The following HDAC9 variants were observed in gnomAD, a reference collection of about 807,000 sequenced individuals.
HDAC9 encodes histone deacetylase 9, also known as MEF-2 interacting transcription repressor (MITR) protein.
In HDAC9, 41 loss-of-function variants were observed where a neutral mutation model predicts 139.4. The observed-to-expected ratio is 0.29, with a 90% confidence interval of 0.23 to 0.38. The LOEUF (loss-of-function observed/expected upper bound fraction) is 0.38. Among genes scored for constraint, HDAC9 ranks in the 10% least tolerant of loss-of-function variants. The probability of loss-of-function intolerance (pLI) is 1.00; values close to 1 mark genes in which losing one functional copy is unlikely to be tolerated. For missense variants in HDAC9, 1,147 were observed against 1,297.0 expected, an observed-to-expected ratio of 0.88 and a Z score of 1.78; for synonymous variants, 517 against 476.2, an observed-to-expected ratio of 1.09 and a Z score of -1.12.
upstream of HDAC9, among the ~76,000 whole-genome samples, chr7:18,494,517 T>C (rs1209047499): frequency 6.6e-6 from 1 of 152,088 alleles, no homozygotes; most frequent in African/African-American, 2.4e-5. Context: ...CTTCCATGAC[T>C]AGTAGATTAT....
rs182467857 is a variant in HDAC9, at chr7:18,745,431, G to C, written c.1910-3574G>C. 1.7e-3 allele frequency among the ~76,000 whole-genome samples: 256 copies of C among 151,102 alleles called. 1 individual carries two copies. Among genetic ancestry groups the C allele is most frequent in the Middle Eastern group, 0.01 (3 of 288 alleles). On this transcript the variant is annotated intron_variant, in intron 13 of 25. Coordinates refer to ENST00000686413, the MANE Select transcript of HDAC9 (RefSeq NM_178425.4). ...CTTGGCAGTGGATTATGGGGAAAAT[G>C]TCATTAAAAGGGGGAAACATTACTA...
At chr7:18,256,085 T>C (rs1207315825) in intron 2 of HDAC9, among the ~76,000 whole-genome samples, 1 of 152,222 alleles carries the variant, frequency 6.6e-6, no homozygotes, top group Non-Finnish European at 1.5e-5. Flanking sequence ...CTTCTCTCAA[T>C]ATCTTGAAGA....
chr7:18,855,119 C>T (rs563040173), intron 21 of HDAC9, among the ~76,000 whole-genome samples: 3 of 152,268 alleles, frequency 2.0e-5, no homozygotes, highest in African/African-American at 7.2e-5. Context: ...TCTCCAGAAG[C>T]CGTCTCTGAA....
At chr7:18,634,781 T>C (rs1475057630) in intron 8 of HDAC9, 39 bp downstream of exon 8, 6 of 1,270,968 alleles carry the variant, frequency 4.7e-6, no homozygotes, top group Non-Finnish European at 6.7e-6. Flanking sequence ...AAAAACTGAA[T>C]TTCTGATTAG....
At chr7:18,990,895 G>C (rs919996229) in intron 25 of HDAC9, among the ~76,000 whole-genome samples, 6 of 152,204 alleles carry the variant, frequency 3.9e-5, no homozygotes, top group African/African-American at 1.2e-4. Flanking sequence ...GTCTCGCCCT[G>C]CTTGGGCTCG....
At chr7:18,432,393 AGCC>A (rs1467146574) in intron 1 of HDAC9, among the ~76,000 whole-genome samples, 1 of 152,192 alleles carries the variant, frequency 6.6e-6, no homozygotes, top group African/African-American at 2.4e-5. Context: ...GGATTTTTAG[AGCC>A]TAGTATGAGG....
At chr7:18,339,698 CAT>C (rs956122976) in intron 1 of HDAC9, among the ~76,000 whole-genome samples, 3 of 151,302 alleles carry the variant, frequency 2.0e-5, no homozygotes, top group African/African-American at 7.3e-5. Flanking sequence ...AAGATTTTAA[CAT>C]ATATGTTTCT....
intron 2 of HDAC9, among the ~76,000 whole-genome samples, chr7:18,574,175 A>T (rs1825235663): frequency 6.6e-6 from 1 of 152,182 alleles, no homozygotes; most frequent in Non-Finnish European, 1.5e-5. Flanking sequence ...GAGGAGACCC[A>T]CAGTGGTTAG....
At position 18,970,057 on chromosome 7, in the gene HDAC9, G is replaced by A. The variant is rs530542640; in HGVS notation, c.3023-5749G>A. On this transcript the variant is annotated intron_variant, in intron 24 of 25. Coordinates refer to ENST00000686413, the MANE Select transcript of HDAC9 (RefSeq NM_178425.4). ...CTATTTCTCAATGAAAAATATTGCA[G>A]TATCTTGAGAAGGATAAATTAAAAA... 3.5e-4 allele frequency among the ~76,000 whole-genome samples: 53 copies of A among 152,236 alleles called. 1 individual carries two copies. The South Asian group carries it at 8.3e-3, about 24-fold the overall frequency.
Position 18,623,146 on chromosome 7 carries a change from GA to G in HDAC9, c.665-6188del, listed in dbSNP as rs200409519. ...GTGACAGAGTGAGACCCGGTCTCTGGAAAAAAAAAAAAAAAAGTGAGCAGAG... is the reference window on the plus strand; with the variant it reads ...GTGACAGAGTGAGACCCGGTCTCTGGAAAAAAAAAAAAAAAGTGAGCAGAG... On this transcript the variant is annotated intron_variant, in intron 6 of 25. Coordinates refer to ENST00000686413, the MANE Select transcript of HDAC9 (RefSeq NM_178425.4). Among the ~76,000 whole-genome samples the G allele has an allele frequency of 8.4e-3, 1,174 of 140,576 alleles. 15 individuals are homozygous for G. Among genetic ancestry groups the G allele is most frequent in the African/African-American group, 0.026 (986 of 37,444 alleles). The allele number at this position is 140,576 out of a possible 152,430, so 92.2% of individuals were successfully genotyped here.
At chr7:18,824,925 T>A (rs530425018) in intron 17 of HDAC9, among the ~76,000 whole-genome samples, 1 of 152,112 alleles carries the variant, frequency 6.6e-6, no homozygotes, top group South Asian at 2.1e-4. Flanking sequence ...AAAAACAAAA[T>A]CAACAGGAAT....
intron 16 of HDAC9, among the ~76,000 whole-genome samples, chr7:18,780,002 T>C (rs1791105082): frequency 6.6e-6 from 1 of 152,012 alleles, no homozygotes; most frequent in South Asian, 2.1e-4. Context: ...ATTCAAATCT[T>C]TACGTTGTCA....
intron 1 of HDAC9, among the ~76,000 whole-genome samples, chr7:18,473,155 C>T (rs1794852174): frequency 6.6e-6 from 1 of 152,160 alleles, no homozygotes; most frequent in Non-Finnish European, 1.5e-5. Context: ...CATTACTTAA[C>T]ACCCATTCAA....
intron 1 of HDAC9, among the ~76,000 whole-genome samples, chr7:18,395,850 A>G (rs944505451): frequency 5.3e-5 from 8 of 152,160 alleles, no homozygotes; most frequent in Admixed American, 3.9e-4. Flanking sequence ...TGATACCATT[A>G]ACATTTGATG....
At chr7:18,661,258 G>A (rs1793040441) in intron 11 of HDAC9, among the ~76,000 whole-genome samples, 1 of 152,128 alleles carries the variant, frequency 6.6e-6, no homozygotes, top group Non-Finnish European at 1.5e-5. Context: ...ATGCAGTTGG[G>A]TAAAGCTGTT....
At chr7:18,836,884 GA>G (rs1220739623) in intron 21 of HDAC9, among the ~76,000 whole-genome samples, 6 of 151,862 alleles carry the variant, frequency 4.0e-5, no homozygotes, top group Admixed American at 6.6e-5. Flanking sequence ...ACAACCACAT[GA>G]AAAAAACTTA....
At chr7:18,869,700 G>T (rs777423366) in intron 21 of HDAC9, among the ~76,000 whole-genome samples, 1 of 152,136 alleles carries the variant, frequency 6.6e-6, no homozygotes, top group Non-Finnish European at 1.5e-5. Flanking sequence ...GTGGAGAAAA[G>T]CACCCACCTT....
chr7:18,219,509 T>C (rs1485303742), intron 2 of HDAC9, among the ~76,000 whole-genome samples: 2 of 152,164 alleles, frequency 1.3e-5, no homozygotes, highest in Non-Finnish European at 2.9e-5. Context: ...TTTACTTTTG[T>C]TGTAAGCCAT....
chr7:18,788,203 T>C (rs1211290294), intron 16 of HDAC9, among the ~76,000 whole-genome samples: 2 of 152,148 alleles, frequency 1.3e-5, no homozygotes, highest in Non-Finnish European at 2.9e-5. Flanking sequence ...AGCCTCCCTT[T>C]GGCTCACATT....
Sources: allele counts gnomAD v4.1 joint callset (sites outside exome capture counted in the v4.1 genomes callset), GRCh38; gene constraint gnomAD v4.1.1; transcripts MANE v1.5; gene names NCBI Gene and HGNC (gene_info 2026-07-23, HGNC 2026-07-21).